The following CTNNA3 variants were observed in gnomAD, a reference collection of about 807,000 sequenced individuals.
CTNNA3 encodes the protein catenin alpha 3.
CTNNA3 carries 76 observed loss-of-function variants against 95.7 expected under a neutral mutation model. The observed-to-expected ratio is 0.79, with a 90% CI of 0.66 to 0.96. CTNNA3 has a LOEUF of 0.96. CTNNA3 is among the 40% of genes least tolerant of loss of function. CTNNA3 has a pLI of 0.00. For missense variants in CTNNA3, 1,191 were observed against 1,089.8 expected (o/e 1.09, Z -1.31); for synonymous variants, 431 against 374.4 (o/e 1.15, Z -1.74).
intron 10 of CTNNA3, among the ~76,000 whole-genome samples, chr10:66,618,166 CA>C (rs1437135236): frequency 6.6e-6 from 1 of 151,974 alleles, no homozygotes; most frequent in Non-Finnish European, 1.5e-5. Context: ...ATGCCATCCC[CA>C]TCAAGCTACC....
chr10:66,614,692 G>T (rs1844448241), intron 10 of CTNNA3, among the ~76,000 whole-genome samples: 1 of 152,022 alleles, frequency 6.6e-6, no homozygotes, highest in South Asian at 2.1e-4. Flanking sequence ...TTTTAGCCCT[G>T]TCAGGTTATT....
intron 12 of CTNNA3, among the ~76,000 whole-genome samples, chr10:66,310,859 A>G (rs1442604645): frequency 6.6e-6 from 1 of 151,760 alleles, no homozygotes; most frequent in Non-Finnish European, 1.5e-5. Flanking sequence ...AATTTTTTGT[A>G]TTTTTAGTAG....
At chr10:66,375,337 G>T (rs2092788214) in intron 12 of CTNNA3, among the ~76,000 whole-genome samples, 1 of 152,028 alleles carries the variant, frequency 6.6e-6, no homozygotes, top group African/African-American at 2.4e-5. Context: ...GAGACAGAGT[G>T]GAAGAGACTA....
At chr10:67,261,883 T>C (rs893629393) in intron 5 of CTNNA3, among the ~76,000 whole-genome samples, 1 of 152,170 alleles carries the variant, frequency 6.6e-6, no homozygotes, top group Non-Finnish European at 1.5e-5. Flanking sequence ...TCTTTATGTA[T>C]GTAGCTACAC....
intron 12 of CTNNA3, among the ~76,000 whole-genome samples, chr10:66,331,131 A>G (rs1038848093): frequency 2.0e-5 from 3 of 151,914 alleles, no homozygotes; most frequent in African/African-American, 7.2e-5. Flanking sequence ...TTAGACATGA[A>G]GTCCTTGCCC....
intron 9 of CTNNA3, among the ~76,000 whole-genome samples, chr10:66,699,247 T>C (rs1024464977): frequency 1.3e-5 from 2 of 152,166 alleles, no homozygotes; most frequent in Non-Finnish European, 2.9e-5. Flanking sequence ...AAAGGGATTG[T>C]TGGATCATAT....
rs187639713 is a variant in CTNNA3 at position 66,422,912 on chromosome 10, G to A, written c.1532-43560C>T. On this transcript the variant is annotated intron_variant, in intron 11 of 17. Transcript: ENST00000433211. ...ACCAAAGTGCTGGAATTACAGACGT[G>A]AGCCACCACTCCCAGCCAAATTTCA... is the stretch of plus-strand genomic sequence containing the variant. Among the ~76,000 whole-genome samples, 511 of 152,024 alleles carry A rather than the reference G, an allele frequency of 3.4e-3. 1 individual carries two copies. Among genetic ancestry groups the A allele is most frequent in the African/African-American group, 0.012 (481 of 41,456 alleles).
intron 15 of CTNNA3, among the ~76,000 whole-genome samples, chr10:66,055,921 C>CAAAAAAAAAAAAAAAAAAAAA (rs386371652): frequency 1.7e-5 from 1 of 60,214 alleles, no homozygotes; most frequent in Non-Finnish European, 3.0e-5. Flanking sequence ...GACTCCATCT[C>CAAAAAAAAAAAAAAAAAAAAA]AAAAAAAAAA....
intron 13 of CTNNA3, among the ~76,000 whole-genome samples, chr10:66,217,857 C>G (rs1214271324): frequency 6.6e-6 from 1 of 152,160 alleles, no homozygotes; most frequent in African/African-American, 2.4e-5. Context: ...CGAAACTCCA[C>G]CTTCAAGCCT....
At chr10:67,145,759 T>C (rs1860811633) in intron 7 of CTNNA3, among the ~76,000 whole-genome samples, 1 of 152,176 alleles carries the variant, frequency 6.6e-6, no homozygotes, top group Non-Finnish European at 1.5e-5. Context: ...GTATCTATTA[T>C]AAATATATAT....
chr10:67,279,869 AAGAGAAAAAAC>A (rs1377975638), intron 5 of CTNNA3, among the ~76,000 whole-genome samples: 1 of 150,236 alleles, frequency 6.7e-6, no homozygotes, highest in Non-Finnish European at 1.5e-5. Flanking sequence ...GGGGAGGTGG[AAGAGAAAAAAC>A]TGAGAAAATG....
chr10:66,378,209 A>T (rs2939946), intron 12 of CTNNA3, among the ~76,000 whole-genome samples: 83,024 of 151,992 alleles, frequency 0.55, 23,414 homozygotes, highest in African/African-American at 0.68. Flanking sequence ...AAGAAAAATT[A>T]AAAAAATGAC....
intron 10 of CTNNA3, among the ~76,000 whole-genome samples, chr10:66,553,914 C>T (rs1307387218): frequency 6.6e-6 from 1 of 152,038 alleles, no homozygotes; most frequent in African/African-American, 2.4e-5. Context: ...GAATTATAGG[C>T]TATTTTTGTC....
intron 11 of CTNNA3, among the ~76,000 whole-genome samples, chr10:66,481,053 G>A (rs1839505116): frequency 6.6e-6 from 1 of 152,112 alleles, no homozygotes; most frequent in Admixed American, 6.6e-5. Flanking sequence ...AGTAAATAAA[G>A]GAGAACACCA....
intron 9 of CTNNA3, among the ~76,000 whole-genome samples, chr10:66,669,089 T>TCTACTAAAAACACAAAAATTA (rs1846564931): frequency 6.6e-6 from 1 of 152,098 alleles, no homozygotes; most frequent in Non-Finnish European, 1.5e-5. Flanking sequence ...TTAAATAATC[T>TCTACTAAAAACACAAAAATTA]GAGAGAGGGC....
intron 3 of CTNNA3, among the ~76,000 whole-genome samples, chr10:67,592,534 A>G (rs1382780929): frequency 1.3e-5 from 2 of 152,292 alleles, no homozygotes; most frequent in East Asian, 3.9e-4. Flanking sequence ...AAGTCAGAGA[A>G]AAAAGGCACA....
At chr10:66,581,244 T>A (rs544929078) in intron 10 of CTNNA3, among the ~76,000 whole-genome samples, 7 of 151,948 alleles carry the variant, frequency 4.6e-5, no homozygotes, top group South Asian at 2.1e-4. Flanking sequence ...TCATTCCTTT[T>A]CTTTTGGGTA....
intron 3 of CTNNA3, among the ~76,000 whole-genome samples, chr10:67,596,670 A>T (rs1842939506): frequency 6.6e-6 from 1 of 152,180 alleles, no homozygotes; most frequent in Non-Finnish European, 1.5e-5. Context: ...TTTGTAGATG[A>T]CCTGCCCCTT....
At position 65,915,079 on chromosome 10, in the gene CTNNA3, A is replaced by G. The variant is rs887046463; in HGVS notation, c.*5251T>C. On this transcript the variant is annotated 3_prime_UTR_variant, in exon 18 of 18. Transcript: ENST00000433211. ...CAAGGATCACTATTTGTTTTGTTAT[A>G]TGGTGTATCCTAAGAACCTAGAACA... 1.3e-5 allele frequency: 2 copies of G among 152,090 alleles called. No homozygotes were observed. The highest frequency in any genetic ancestry group is 6.6e-5 in the Admixed American group (1 of 15,256). The allele number at this position is 152,090 out of a possible 1,614,324, so 9.4% of individuals were successfully genotyped here. A position where few individuals can be genotyped will look rare whatever the true frequency, so the allele number is the denominator to read the frequency against.
Sources: gnomAD v4.1 joint callset for allele counts (sites outside exome capture counted in the v4.1 genomes callset) on GRCh38, gnomAD v4.1.1 for gene constraint, MANE v1.5 for transcripts, NCBI Gene and HGNC (gene_info 2026-07-23, HGNC 2026-07-21) for gene names.